The following DNAH3 variants were observed in gnomAD, a reference collection of about 807,000 sequenced individuals.
DNAH3 encodes axonemal beta dynein heavy chain 3.
In DNAH3, 332 loss-of-function variants were observed where a neutral mutation model predicts 432.5. The observed-to-expected ratio is 0.77, with a 90% CI of 0.70 to 0.84. The LOEUF is 0.84. DNAH3 is among the 40% of genes least tolerant of loss of function. The pLI is 0.00. For synonymous variants in DNAH3, 1,956 were observed against 1,900.2 expected, an observed-to-expected ratio of 1.03 and a Z score of -0.76; for missense variants, 4,861 against 5,114.0, an observed-to-expected ratio of 0.95 and a Z score of 1.51.
intron 54 of DNAH3, among the ~76,000 whole-genome samples, chr16:20,956,598 C>A (rs985900875): frequency 2.6e-5 from 4 of 152,298 alleles, no homozygotes; most frequent in African/African-American, 9.6e-5. Context: ...ACATAAATAA[C>A]TTTTTCTTCT....
intron 54 of DNAH3, among the ~76,000 whole-genome samples, chr16:20,957,630 T>C (rs1332106563): frequency 6.6e-6 from 1 of 151,674 alleles, no homozygotes; most frequent in Non-Finnish European, 1.5e-5. Flanking sequence ...CTGACCAACA[T>C]GGAGAAACCC....
intron 27 of DNAH3, 30 bp from the exon 28 acceptor site, chr16:21,054,564 T>C (rs756946505): frequency 1.6e-5 from 24 of 1,537,736 alleles, no homozygotes; most frequent in African/African-American, 2.7e-5. Flanking sequence ...GGACAACTGG[T>C]TACATTTGAC....
At chr16:21,115,230 C>T (rs1437470428) in intron 12 of DNAH3, among the ~76,000 whole-genome samples, 2 of 151,512 alleles carry the variant, frequency 1.3e-5, no homozygotes, top group African/African-American at 4.9e-5. Context: ...CATCACACAC[C>T]GGGGCCTGTC....
chr16:21,158,953 A>G (rs2092926205), intron 1 of DNAH3, among the ~76,000 whole-genome samples: 1 of 151,726 alleles, frequency 6.6e-6, no homozygotes, highest in Non-Finnish European at 1.5e-5. Context: ...GCACGAGGAG[A>G]CACGATTCCT....
intron 59 of DNAH3, among the ~76,000 whole-genome samples, 174 bp downstream of exon 59, chr16:20,941,227 A>G (rs2083795950): frequency 6.6e-6 from 1 of 152,226 alleles, no homozygotes. Flanking sequence ...GGAATGATTC[A>G]ACCCAGGGTC....
intron 41 of DNAH3, among the ~76,000 whole-genome samples, chr16:21,010,708 T>G (rs566538058): frequency 6.6e-6 from 1 of 152,038 alleles, no homozygotes; most frequent in Non-Finnish European, 1.5e-5. Flanking sequence ...ATTTTCATCA[T>G]GGGCCCTCAT....
intron 51 of DNAH3, among the ~76,000 whole-genome samples, chr16:20,971,168 G>A (rs557642063): frequency 1.2e-4 from 18 of 151,762 alleles, no homozygotes; most frequent in South Asian, 6.3e-4. Flanking sequence ...GTGCTCAGCC[G>A]TACTTCTGAG....
intron 41 of DNAH3, among the ~76,000 whole-genome samples, chr16:21,017,344 G>T (rs533985841): frequency 6.6e-6 from 1 of 152,248 alleles, no homozygotes; most frequent in Admixed American, 6.5e-5. Flanking sequence ...AAGTCAAGCA[G>T]GGAATCACTT....
intron 56 of DNAH3, among the ~76,000 whole-genome samples, chr16:20,951,235 G>A (rs1567514402): frequency 6.6e-6 from 1 of 151,810 alleles, no homozygotes; most frequent in African/African-American, 2.4e-5. Context: ...TCTACCTCAG[G>A]ATCACTTTGC....
intron 5 of DNAH3, among the ~76,000 whole-genome samples, chr16:21,138,301 C>T (rs1224201100): frequency 1.3e-5 from 2 of 151,740 alleles, no homozygotes; most frequent in African/African-American, 4.8e-5. Context: ...CTTTGTTACT[C>T]TCGCCTCTCT....
In DNAH3 at chr16:20,970,863, CTTTT is replaced by C. The variant is rs869203073; in HGVS notation, c.8260-877_8260-874del. 1.2e-3 allele frequency among the ~76,000 whole-genome samples: 154 copies of C among 124,046 alleles called. 1 individual carries two copies. The highest frequency in any genetic ancestry group is 3.2e-3 in the African/African-American group (106 of 33,034). The allele number at this position is 124,046 out of a possible 152,430, so 81.4% of individuals were successfully genotyped here. A position where few individuals can be genotyped will look rare whatever the true frequency, so the allele number is the denominator to read the frequency against. ...ATGGATTTCTTTTCTTTTCTCTATTCTTTTTTTTTTTTTTTTTTTGAGACAGAGT... is the reference window on the plus strand; with the variant it reads ...ATGGATTTCTTTTCTTTTCTCTATTCTTTTTTTTTTTTTTTGAGACAGAGT... On this transcript the variant is annotated intron_variant, in intron 51 of 61. Transcript: ENST00000261383.
chr16:20,955,006 C>T (rs2152595984), exon 55 of DNAH3: 3 of 1,613,824 alleles, frequency 1.9e-6, no homozygotes, highest in Non-Finnish European at 2.5e-6. Context: ...TGATTCCATT[C>T]TGGAGAATGC....
exon 50 of DNAH3, chr16:20,979,451 G>C: frequency 6.2e-7 from 1 of 1,614,166 alleles, no homozygotes; most frequent in South Asian, 1.1e-5. Flanking sequence ...AAGGTAGGAG[G>C]TGGGGGTAAC....
intron 41 of DNAH3, among the ~76,000 whole-genome samples, chr16:21,017,033 T>C (rs1344091584): frequency 2.0e-5 from 3 of 152,104 alleles, no homozygotes; most frequent in Middle Eastern, 3.2e-3. Flanking sequence ...TACTGTTTAA[T>C]GAGAACAGTT....
intron 41 of DNAH3, among the ~76,000 whole-genome samples, chr16:21,010,342 C>T (rs1567631540): frequency 6.6e-6 from 1 of 152,114 alleles, no homozygotes; most frequent in Non-Finnish European, 1.5e-5. Context: ...ACCCCCCCTA[C>T]CCCAGCTCTG....
At chr16:21,119,486 C>T (rs1052891717) in intron 11 of DNAH3, among the ~76,000 whole-genome samples, 1 of 151,714 alleles carries the variant, frequency 6.6e-6, no homozygotes, top group African/African-American at 2.4e-5. Flanking sequence ...AAAAATAAGC[C>T]GGGCATGGTG....
intron 25 of DNAH3, among the ~76,000 whole-genome samples, chr16:21,061,535 C>T (rs886241905): frequency 6.6e-5 from 10 of 152,270 alleles, no homozygotes; most frequent in African/African-American, 2.4e-4. Context: ...ATTTTTAATA[C>T]GCATTACTTT....
At chr16:21,128,436 T>C (rs1183750292) in intron 7 of DNAH3, among the ~76,000 whole-genome samples, 1 of 151,814 alleles carries the variant, frequency 6.6e-6, no homozygotes, top group South Asian at 2.1e-4. Flanking sequence ...GGCTCACACC[T>C]GTAATCCCAG....
intron 11 of DNAH3, among the ~76,000 whole-genome samples, chr16:21,117,566 G>C (rs2092234986): frequency 6.6e-6 from 1 of 152,012 alleles, no homozygotes; most frequent in African/African-American, 2.4e-5. Flanking sequence ...CCTTTCAAGG[G>C]TCTTGTCCTT....
Sources: allele counts gnomAD v4.1 joint callset (sites outside exome capture counted in the v4.1 genomes callset), GRCh38; gene constraint gnomAD v4.1.1; transcripts MANE v1.5; gene names NCBI Gene and HGNC (gene_info 2026-07-23, HGNC 2026-07-21).